Variants in SPATA17 observed in about 807,000 individuals in gnomAD.
SPATA17 encodes the protein spermatogenesis-associated protein 17.
Under a neutral mutation model 62.2 loss-of-function variants are expected in SPATA17, and 53 were observed. The ratio of observed to expected loss-of-function variants is 0.85; its 90% CI spans 0.68 to 1.07. The LOEUF (loss-of-function observed/expected upper bound fraction) is 1.07, where lower values mean the gene tolerates loss of function less well. Among genes scored for constraint, SPATA17 ranks in the 50% least tolerant of loss-of-function variants. SPATA17 has a pLI of 0.00. For missense variants in SPATA17, 466 were observed against 425.5 expected (o/e 1.10, Z -0.84); for synonymous variants, 146 against 146.8 (o/e 0.99, Z 0.04).
intron 4 of SPATA17, among the ~76,000 whole-genome samples, chr1:217,672,025 T>C (rs1670841541): frequency 6.6e-6 from 1 of 152,142 alleles, no homozygotes. Flanking sequence ...TTGATCCAAG[T>C]GACCAGTGAC....
chr1:217,773,765 G>A (rs1432082039), intron 6 of SPATA17, among the ~76,000 whole-genome samples: 1 of 152,068 alleles, frequency 6.6e-6, no homozygotes, highest in African/African-American at 2.4e-5. Flanking sequence ...TAGTATTATA[G>A]CCTATATTAT....
chr1:217,696,267 C>G (rs1472292357), intron 5 of SPATA17, among the ~76,000 whole-genome samples: 1 of 152,162 alleles, frequency 6.6e-6, no homozygotes, highest in Non-Finnish European at 1.5e-5. Flanking sequence ...CAGGTGCGTC[C>G]GTCACCCCTT....
intron 5 of SPATA17, among the ~76,000 whole-genome samples, chr1:217,708,424 C>A (rs1571747660): frequency 6.6e-6 from 1 of 152,192 alleles, no homozygotes; most frequent in Non-Finnish European, 1.5e-5. Context: ...ACTATGAATA[C>A]CTCTATGCAC....
At chr1:217,812,607 TA>T (rs1674618885) in intron 9 of SPATA17, among the ~76,000 whole-genome samples, 1 of 152,338 alleles carries the variant, frequency 6.6e-6, no homozygotes, top group East Asian at 1.9e-4. Context: ...TTTGTATTCA[TA>T]AATTCTTTAT....
intron 6 of SPATA17, among the ~76,000 whole-genome samples, chr1:217,770,998 T>TTTTTTTTG (rs1673429900): frequency 7.6e-6 from 1 of 131,682 alleles, no homozygotes; most frequent in Non-Finnish European, 1.6e-5. Context: ...TTTTTTTTTT[T>TTTTTTTTG]TTTTTTTTTT....
chr1:217,816,423 A>G (rs7537240), intron 9 of SPATA17, among the ~76,000 whole-genome samples: 375 of 151,802 alleles, frequency 2.5e-3, no homozygotes, highest in African/African-American at 8.7e-3. Flanking sequence ...TCTAGCACTT[A>G]GGTTTACTAG....
intron 1 of SPATA17, among the ~76,000 whole-genome samples, chr1:217,642,865 TG>T (rs1670096245): frequency 6.6e-6 from 1 of 152,230 alleles, no homozygotes; most frequent in South Asian, 2.1e-4. Flanking sequence ...CCCAGTCTTG[TG>T]TAGTATCTTT....
At chr1:217,672,148 G>T (rs1036343461) in intron 4 of SPATA17, among the ~76,000 whole-genome samples, 1 of 152,204 alleles carries the variant, frequency 6.6e-6, no homozygotes, top group South Asian at 2.1e-4. Flanking sequence ...AGAGACCAGT[G>T]TGTGGCCCAG....
intron 9 of SPATA17, among the ~76,000 whole-genome samples, chr1:217,808,346 T>TACACACAC (rs751346889): frequency 9.2e-6 from 1 of 108,918 alleles, no homozygotes; most frequent in African/African-American, 2.9e-5. Context: ...AATTAAAAAA[T>TACACACAC]ACACACACAC....
chr1:217,857,737 A>G (rs1315600090), intron 9 of SPATA17, among the ~76,000 whole-genome samples: 2 of 152,212 alleles, frequency 1.3e-5, no homozygotes, highest in African/African-American at 2.4e-5. Flanking sequence ...TTCCTGTACC[A>G]GAGGTCACAG....
At chr1:217,791,740 A>T (rs1673998853) in intron 8 of SPATA17, among the ~76,000 whole-genome samples, 2 of 152,218 alleles carry the variant, frequency 1.3e-5, no homozygotes, top group Admixed American at 1.3e-4. Context: ...GACATTCATA[A>T]GACCAGCACA....
intron 3 of SPATA17, among the ~76,000 whole-genome samples, chr1:217,656,961 G>C (rs1305992559): frequency 6.6e-6 from 1 of 152,210 alleles, no homozygotes; most frequent in East Asian, 1.9e-4. Context: ...GCCCTTATTG[G>C]GGATTTTTCT....
chr1:217,751,359 T>G (rs527247217), intron 6 of SPATA17, among the ~76,000 whole-genome samples: 1 of 152,350 alleles, frequency 6.6e-6, no homozygotes, highest in African/African-American at 2.4e-5. Context: ...AGGTTTATTC[T>G]TTCAAGATTA....
At chr1:217,721,297 G>A (rs1466073351) in intron 5 of SPATA17, among the ~76,000 whole-genome samples, 1 of 152,152 alleles carries the variant, frequency 6.6e-6, no homozygotes, top group African/African-American at 2.4e-5. Flanking sequence ...ACCTATGAAT[G>A]TAGAGGGGGC....
At chr1:217,833,708 A>T (rs1675198121) in intron 9 of SPATA17, among the ~76,000 whole-genome samples, 1 of 152,208 alleles carries the variant, frequency 6.6e-6, no homozygotes, top group Admixed American at 6.6e-5. Flanking sequence ...AATAATCTTA[A>T]AAATGTCAAA....
At chr1:217,800,666 G>A (rs1674288324) in intron 8 of SPATA17, among the ~76,000 whole-genome samples, 1 of 152,028 alleles carries the variant, frequency 6.6e-6, no homozygotes, top group Admixed American at 6.6e-5. Flanking sequence ...GGTTCTGCAG[G>A]ACAAATTGCC....
At chr1:217,735,370 T>C (rs1191576867) in intron 5 of SPATA17, among the ~76,000 whole-genome samples, 2 of 152,030 alleles carry the variant, frequency 1.3e-5, no homozygotes, top group East Asian at 3.9e-4. Flanking sequence ...GAGAGCATCT[T>C]TCTCATGTCT....
intron 9 of SPATA17, among the ~76,000 whole-genome samples, chr1:217,854,287 G>C (rs1386023580): frequency 6.6e-6 from 1 of 152,072 alleles, no homozygotes; most frequent in African/African-American, 2.4e-5. Context: ...AAAACACTGC[G>C]AATATTGATT....
chr1:217,670,152 G>A (rs1000854284), intron 4 of SPATA17, among the ~76,000 whole-genome samples: 8 of 152,112 alleles, frequency 5.3e-5, no homozygotes, highest in African/African-American at 1.9e-4. Context: ...AATTTCAGAG[G>A]TTTTGTACAG....
Sources: allele counts gnomAD v4.1 joint callset (sites outside exome capture counted in the v4.1 genomes callset), GRCh38; gene constraint gnomAD v4.1.1; transcripts MANE v1.5; gene names NCBI Gene and HGNC (gene_info 2026-07-23, HGNC 2026-07-21).